Variants in LGALS8 observed in about 807,000 individuals in gnomAD.
LGALS8 encodes the protein galectin-8.
LGALS8 carries 30 observed loss-of-function variants against 35.9 expected under a neutral mutation model. The ratio of observed to expected loss-of-function variants is 0.83; its 90% CI spans 0.62 to 1.13. The LOEUF is 1.13. LGALS8 is among the 50% of genes most tolerant of loss of function. LGALS8 has a pLI of 0.00. For synonymous variants in LGALS8, 138 were observed against 136.1 expected, an observed-to-expected ratio of 1.01 and a Z score of -0.10; for missense variants, 366 against 388.7, an observed-to-expected ratio of 0.94 and a Z score of 0.49.
At chr1:236,533,336 A>AC (rs1307398889) in intron 2 of LGALS8, among the ~76,000 whole-genome samples, 3 of 125,496 alleles carry the variant, frequency 2.4e-5, no homozygotes, top group Non-Finnish European at 4.9e-5. Context: ...CTGCTCCCCC[A>AC]CCCTTTTTTT....
At chr1:236,522,737 C>T (rs1272289887), upstream of LGALS8, among the ~76,000 whole-genome samples, 1 of 152,174 alleles carries the variant, frequency 6.6e-6, no homozygotes, top group Non-Finnish European at 1.5e-5. Context: ...AAACACACAA[C>T]ACATACCAAA....
At chr1:236,543,677 GCA>G (rs760834094) in intron 8 of LGALS8, 29 bp downstream of exon 8, 1 of 1,509,700 alleles carries the variant, frequency 6.6e-7, no homozygotes, top group South Asian at 1.1e-5. Context: ...CAGTCACAGT[GCA>G]GATACTTCCG....
intron 8 of LGALS8, among the ~76,000 whole-genome samples, chr1:236,544,383 A>AG (rs60126725): frequency 0.089 from 13,616 of 152,266 alleles, 998 homozygotes; most frequent in African/African-American, 0.19. Flanking sequence ...CATACTTTCA[A>AG]GAAGGAAGGA....
At chr1:236,534,050 T>C (rs1355679220) in intron 2 of LGALS8, among the ~76,000 whole-genome samples, 1 of 151,782 alleles carries the variant, frequency 6.6e-6, no homozygotes, top group Non-Finnish European at 1.5e-5. Flanking sequence ...CTTGCCAGAG[T>C]GAATACTGCG....
Position 236,526,038 on chromosome 1 carries a change from A to G in LGALS8, c.-33A>G, listed in dbSNP as rs541850638. 4.9e-4 allele frequency: 777 copies of G among 1,594,000 alleles called. 2 individuals carry two copies. The South Asian group carries it at 7.9e-3, about 16-fold the overall frequency. On this transcript the variant is annotated 5_prime_UTR_variant, in exon 2 of 10. Transcript: ENST00000366584. This position sits in a 1 kb window ranked among gnomAD's most constrained non-coding sequence, Gnocchi z 4.6. ...GCCTAAAATCTTAGGTCATACACAG[A>G]AGAGACTCCAATCGACAAGAAGCTG...
At position 236,543,547 on chromosome 1, in the gene LGALS8, G is replaced by A; in HGVS notation, c.550-13G>A. The A allele has an allele frequency of 6.2e-7, 1 of 1,606,638 alleles. No individual in the cohort carries two copies. Among genetic ancestry groups the A allele is most frequent in the Non-Finnish European group, 8.5e-7 (1 of 1,173,206 alleles). On this transcript the variant is annotated splice_polypyrimidine_tract_variant and intron_variant, in intron 7 of 9. Transcript: ENST00000366584. ...CTGCAGGCCTCTTGGTCCTGACTGT[G>A]GCTTCTTTTCAGAGGCTGCCATTCG...
In LGALS8 at chr1:236,542,760, G is replaced by A; in HGVS notation, c.523-1G>A. On this transcript the variant is annotated splice_acceptor_variant, in intron 6 of 9. Transcript: ENST00000366584. LOFTEE classifies it high-confidence loss of function. ...GTTGTGTTTTGTTTCTTTTCCAATA[G>A]GTTCCAAAGTCTGGCACGCCCCAGC... 6.2e-7 allele frequency: 1 copy of A among 1,614,002 alleles called. No homozygotes were observed. Among genetic ancestry groups the A allele is most frequent in the Middle Eastern group, 1.6e-4 (1 of 6,062 alleles).
chr1:236,545,773 C>T (rs2103107829), intron 9 of LGALS8, among the ~76,000 whole-genome samples: 1 of 91,664 alleles, frequency 1.1e-5, no homozygotes, highest in East Asian at 2.6e-4. Context: ...GGAAGGTTCC[C>T]TGAAGTTGTG....
At chr1:236,518,675 G>A (rs550675770), upstream of LGALS8, among the ~76,000 whole-genome samples, 1 of 151,832 alleles carries the variant, frequency 6.6e-6, no homozygotes, top group African/African-American at 2.4e-5. Context: ...TATCATTATT[G>A]TCACAGGTTC....
intron 7 of LGALS8, 90 bp downstream of exon 7, chr1:236,542,877 T>C (rs1572015453): frequency 6.2e-7 from 1 of 1,614,150 alleles, no homozygotes; most frequent in South Asian, 1.1e-5. Flanking sequence ...GGCAGCTTCA[T>C]TCATTCCATT....
At position 236,549,249 on chromosome 1, in the gene LGALS8, A is replaced by C. The variant is rs1384800643; in HGVS notation, c.*1088A>C. The C allele has an allele frequency of 1.2e-5, 4 of 346,728 alleles. No individual in the cohort carries two copies. The East Asian group carries it at 1.7e-4, about 15-fold the overall frequency. The allele number at this position is 346,728 out of a possible 1,614,324, so 21.5% of individuals were successfully genotyped here. On this transcript the variant is annotated 3_prime_UTR_variant, in exon 10 of 10. Coordinates refer to ENST00000366584, the MANE Select transcript of LGALS8 (RefSeq NM_201544.4). ...CTTCCACTTTACGTGATTAAAATCA[A>C]ACCTGTATCAGCAAGTTAAATGGTT...
chr1:236,541,928 T>C (rs914674620), intron 6 of LGALS8, among the ~76,000 whole-genome samples: 1 of 152,358 alleles, frequency 6.6e-6, no homozygotes, highest in Admixed American at 6.5e-5. Flanking sequence ...ACTGTTCTTA[T>C]GTAAAAAGCA....
At position 236,537,575 on chromosome 1, in the gene LGALS8, G is replaced by C. The variant is rs1379662338; in HGVS notation, c.124G>C (p.Asp42His). Residue 42 changes from aspartate (D) to histidine (H), a missense_variant, in exon 3 of 10, where the codon GAC becomes CAC. Coordinates refer to ENST00000366584, the MANE Select transcript of LGALS8 (RefSeq NM_201544.4). ...LIVIRGHVPS[D>H]ADRFQVDLQN... ...TGTGATACGTGGGCATGTTCCTAGTGACGCAGACAGGTAAAATCACTGTGC... is the reference window on the plus strand; with the variant it reads ...TGTGATACGTGGGCATGTTCCTAGTCACGCAGACAGGTAAAATCACTGTGC... 2.5e-6 allele frequency: 4 copies of C among 1,599,454 alleles called. No individual in the cohort carries two copies. Among genetic ancestry groups the C allele is most frequent in the Non-Finnish European group, 3.4e-6 (4 of 1,166,440 alleles).
At position 236,540,380 on chromosome 1, in the gene LGALS8, A is replaced by C. The variant is rs1487836240; in HGVS notation, c.346-184A>C. The C allele has an allele frequency of 4.4e-5, 23 of 519,084 alleles. No individual in the cohort carries two copies. In the East Asian group the frequency reaches 7.6e-4, roughly 17 times the overall value. 32.2% of individuals were successfully genotyped at this position (519,084 alleles called of 1,614,324 possible). A position where few individuals can be genotyped will look rare whatever the true frequency, so the allele number is the denominator to read the frequency against. On this transcript the variant is annotated intron_variant, in intron 4 of 9. Transcript: ENST00000366584. The stretch of plus-strand genomic sequence containing the variant: ...TGCTTAATCAAATCAGGAACTCAAA[A>C]GAAGTTTGGAAGCACTGCTAGTGTT...
Position 236,552,254 on chromosome 1 carries a change from T to C in LGALS8, c.*4093T>C. On this transcript the variant is annotated 3_prime_UTR_variant, in exon 10 of 10. Coordinates refer to ENST00000366584, the MANE Select transcript of LGALS8 (RefSeq NM_201544.4). ...CTTCATTATGTTCATTAAGCTTTCA[T>C]CTTAGAATACCAGTTTCACCATTTG... The C allele has an allele frequency of 1.9e-6, 1 of 529,178 alleles. No individual in the cohort carries two copies. Among genetic ancestry groups the C allele is most frequent in the Non-Finnish European group, 3.3e-6 (1 of 301,422 alleles). 32.8% of individuals were successfully genotyped at this position (529,178 alleles called of 1,614,324 possible). A position where few individuals can be genotyped will look rare whatever the true frequency, so the allele number is the denominator to read the frequency against.
In LGALS8 at chr1:236,538,975, T is replaced by C. The variant is rs754566190; in HGVS notation, c.231T>C (p.Val77=). ...NPRFKRAGCI[V]CNTLINEKWG... is the part of the protein sequence containing the mutation. ...GTTTCAAAAGGGCCGGCTGCATTGT[T>C]TGCAATACTTTGATAAATGAAAAAT... is the stretch of plus-strand genomic sequence containing the variant. Residue 77 remains valine (V), a synonymous_variant, in exon 4 of 10, where the codon GTT becomes GTC. Coordinates refer to ENST00000366584, the MANE Select transcript of LGALS8 (RefSeq NM_201544.4). The C allele has an allele frequency of 1.9e-6, 3 of 1,614,032 alleles. No individual in the cohort carries two copies. Among genetic ancestry groups the C allele is most frequent in the Non-Finnish European group, 2.5e-6 (3 of 1,180,034 alleles).
At chr1:236,524,159 C>T in intron 1 of LGALS8, 98 bp downstream of exon 1, 2 of 456,684 alleles carry the variant, frequency 4.4e-6, no homozygotes, top group Non-Finnish European at 8.8e-6. Flanking sequence ...TCGGATGTCA[C>T]GGCTCCTAAA....
chr1:236,542,862 T>A (rs1209978721), intron 7 of LGALS8, 75 bp downstream of exon 7: 3 of 1,614,150 alleles, frequency 1.9e-6, no homozygotes, highest in South Asian at 1.1e-5. Context: ...GTTTAAACCG[T>A]GGAGGGCAGC....
upstream of LGALS8, among the ~76,000 whole-genome samples, chr1:236,522,175 A>C (rs1344625016): frequency 6.6e-6 from 1 of 152,242 alleles, no homozygotes; most frequent in South Asian, 2.1e-4. Context: ...GAACATTTTA[A>C]TCCAGATTTT....
Sources: allele counts gnomAD v4.1 joint callset (sites outside exome capture counted in the v4.1 genomes callset), GRCh38; gene constraint gnomAD v4.1.1; non-coding constraint Gnocchi (gnomAD v3.1); transcripts MANE v1.5; gene names NCBI Gene and HGNC (gene_info 2026-07-23, HGNC 2026-07-21).